The following TMEM117 variants were observed in gnomAD, a reference collection of about 807,000 sequenced individuals.
TMEM117 encodes the protein transmembrane protein 117.
A neutral mutation model predicts 52.4 loss-of-function variants in TMEM117; 27 were observed. The observed-to-expected ratio is 0.51, with a 90% CI of 0.38 to 0.71. The LOEUF (loss-of-function observed/expected upper bound fraction) is 0.71. TMEM117 is among the 30% of genes least tolerant of loss of function. TMEM117 has a pLI of 0.00. For synonymous variants in TMEM117, 215 were observed against 206.3 expected (o/e 1.04, Z -0.36); for missense variants, 556 against 630.5 (o/e 0.88, Z 1.26).
chr12:44,212,097 C>A (rs1265222244), intron 5 of TMEM117, among the ~76,000 whole-genome samples: 1 of 152,136 alleles, frequency 6.6e-6, no homozygotes, highest in African/African-American at 2.4e-5. Flanking sequence ...ACAGTATTTC[C>A]CCCTTATCTA....
chr12:43,904,529 T>C (rs1944353615), intron 2 of TMEM117, among the ~76,000 whole-genome samples: 1 of 152,170 alleles, frequency 6.6e-6, no homozygotes, highest in African/African-American at 2.4e-5. Context: ...GCCAGCTCTT[T>C]TGGAACAAGA....
intron 2 of TMEM117, among the ~76,000 whole-genome samples, chr12:43,883,904 A>C (rs1943942970): frequency 6.6e-6 from 1 of 152,166 alleles, no homozygotes; most frequent in South Asian, 2.1e-4. Flanking sequence ...TGGGAGGCTG[A>C]GGTCAGAGGA....
intron 3 of TMEM117, among the ~76,000 whole-genome samples, chr12:44,118,577 C>T (rs570485238): frequency 3.9e-5 from 6 of 152,176 alleles, no homozygotes; most frequent in Non-Finnish European, 5.9e-5. Context: ...TATTAGATGA[C>T]GAGAAGTAGA....
intron 5 of TMEM117, among the ~76,000 whole-genome samples, chr12:44,285,140 A>C (rs897547026): frequency 6.6e-6 from 1 of 152,218 alleles, no homozygotes; most frequent in African/African-American, 2.4e-5. Flanking sequence ...CTGAGTGACC[A>C]AATGCTCCAA....
At chr12:44,192,474 C>T (rs1949367608) in intron 4 of TMEM117, among the ~76,000 whole-genome samples, 2 of 152,106 alleles carry the variant, frequency 1.3e-5, no homozygotes, top group African/African-American at 4.8e-5. Flanking sequence ...CCTGCTTCAC[C>T]ATTTGTGAAA....
intron 3 of TMEM117, among the ~76,000 whole-genome samples, chr12:43,952,395 A>T (rs1945238918): frequency 1.3e-5 from 2 of 152,112 alleles, no homozygotes; most frequent in East Asian, 3.9e-4. Context: ...GACCCATGAT[A>T]AAACATTACA....
intron 2 of TMEM117, among the ~76,000 whole-genome samples, chr12:43,878,601 T>C (rs1048266625): frequency 6.6e-6 from 1 of 152,228 alleles, no homozygotes; most frequent in Non-Finnish European, 1.5e-5. Flanking sequence ...AATGCATGCT[T>C]TTATTAACTC....
intron 3 of TMEM117, among the ~76,000 whole-genome samples, chr12:43,993,267 T>C (rs551249845): frequency 9.2e-5 from 14 of 152,338 alleles, no homozygotes; most frequent in Admixed American, 2.6e-4. Context: ...ATGGATGTTA[T>C]AGTAACACCT....
intron 3 of TMEM117, among the ~76,000 whole-genome samples, chr12:44,142,676 G>A (rs891052907): frequency 2.0e-5 from 3 of 151,996 alleles, no homozygotes; most frequent in African/African-American, 7.2e-5. Context: ...AAGTAGTTAA[G>A]TGAACAAAAA....
At chr12:44,104,658 C>T (rs1028185387) in intron 3 of TMEM117, among the ~76,000 whole-genome samples, 48 of 152,080 alleles carry the variant, frequency 3.2e-4, no homozygotes, top group Middle Eastern at 3.4e-3. Flanking sequence ...TCTTGCAAGG[C>T]AGGTCTACTG....
intron 2 of TMEM117, among the ~76,000 whole-genome samples, chr12:43,897,667 G>T (rs1944229651): frequency 6.6e-6 from 1 of 151,522 alleles, no homozygotes; most frequent in Non-Finnish European, 1.5e-5. Context: ...GAGTGCAGTG[G>T]CATGTTATTG....
At chr12:44,377,574 C>A (rs1193822072) in intron 7 of TMEM117, among the ~76,000 whole-genome samples, 1 of 152,074 alleles carries the variant, frequency 6.6e-6, no homozygotes, top group Non-Finnish European at 1.5e-5. Context: ...AAAGGGCTTC[C>A]CGGAGCTACG....
chr12:44,256,072 G>A (rs929327081), intron 5 of TMEM117, among the ~76,000 whole-genome samples: 16 of 151,838 alleles, frequency 1.1e-4, no homozygotes, highest in African/African-American at 2.7e-4. Flanking sequence ...ACACTAGTTA[G>A]GAACATCATT....
chr12:44,240,583 G>A (rs1030596499), intron 5 of TMEM117, among the ~76,000 whole-genome samples: 2 of 151,826 alleles, frequency 1.3e-5, no homozygotes, highest in African/African-American at 2.4e-5. Context: ...TTAAGAAATC[G>A]GTATGTATAT....
rs147213256 is a variant in TMEM117 at position 44,206,312 on chromosome 12, C to A, written c.511-4978C>A. 2.3e-3 allele frequency among the ~76,000 whole-genome samples: 353 copies of A among 152,186 alleles called. 12 individuals carry two copies. The East Asian group carries it at 0.035, about 15-fold the overall frequency. On this transcript the variant is annotated intron_variant, in intron 4 of 7. Coordinates refer to ENST00000266534, the MANE Select transcript of TMEM117 (RefSeq NM_032256.3). ...GAGCAGTTTTCTGCCCTGGGTGGGC[C>A]AGGTTTTCCTTGCCGTCATTCCGGT...
intron 3 of TMEM117, among the ~76,000 whole-genome samples, chr12:44,040,832 G>A (rs1946785524): frequency 6.6e-6 from 1 of 152,084 alleles, no homozygotes. Flanking sequence ...ATTCATGAGT[G>A]GGTGTCAGAT....
Position 43,944,203 on chromosome 12 carries a change from A to G in TMEM117, c.278-7A>G. On this transcript the variant is annotated splice_region_variant and splice_polypyrimidine_tract_variant and intron_variant, in intron 2 of 7. Transcript: ENST00000266534. ...TACATTAATTTTTAATAATATTTGT[A>G]TTTCAGGTCAGTTGCTCCGATTAAA... 1 of 1,604,562 alleles carries G rather than the reference A, an allele frequency of 6.2e-7. No homozygotes were observed. The highest frequency in any genetic ancestry group is 1.7e-5 in the Admixed American group (1 of 57,980).
chr12:44,036,814 G>A (rs1339419668), intron 3 of TMEM117, among the ~76,000 whole-genome samples: 2 of 152,134 alleles, frequency 1.3e-5, no homozygotes, highest in Non-Finnish European at 2.9e-5. Context: ...CAGGTTGGTT[G>A]TACCAATTTA....
intron 5 of TMEM117, among the ~76,000 whole-genome samples, chr12:44,288,232 T>G (rs752263449): frequency 2.6e-5 from 4 of 152,202 alleles, no homozygotes; most frequent in Non-Finnish European, 5.9e-5. Context: ...TATGACCAAT[T>G]AAAGTATTTT....
Sources: gnomAD v4.1 joint callset for allele counts (sites outside exome capture counted in the v4.1 genomes callset) on GRCh38, gnomAD v4.1.1 for gene constraint, MANE v1.5 for transcripts, NCBI Gene and HGNC (gene_info 2026-07-23, HGNC 2026-07-21) for gene names.